The following RPTOR variants were observed in gnomAD, a reference collection of about 807,000 sequenced individuals.
RPTOR encodes the protein regulatory-associated protein of mTOR.
RPTOR carries 21 observed loss-of-function variants against 169.9 expected under a neutral mutation model. That is an observed-to-expected ratio of 0.12 (90% CI 0.09 to 0.18). The LOEUF is 0.18. RPTOR is among the 10% of genes least tolerant of loss of function. The pLI is 1.00. For synonymous variants in RPTOR, 732 were observed against 753.2 expected (o/e 0.97, Z 0.46); for missense variants, 1,133 against 1,855.9 (o/e 0.61, Z 7.16).
chr17:80,831,360 G>A (rs1355059179), intron 9 of RPTOR, among the ~76,000 whole-genome samples: 1 of 152,196 alleles, frequency 6.6e-6, no homozygotes, highest in African/African-American at 2.4e-5. Flanking sequence ...TTGATTCTGT[G>A]GAGTCCGTTA....
At chr17:80,697,814 A>G (rs1437518239) in intron 3 of RPTOR, among the ~76,000 whole-genome samples, 1 of 152,042 alleles carries the variant, frequency 6.6e-6, no homozygotes, top group Middle Eastern at 3.2e-3. Context: ...GTTAAGGAGG[A>G]AGGCTCTGAC....
At chr17:80,727,140 G>A (rs2066343755) in intron 4 of RPTOR, among the ~76,000 whole-genome samples, 2 of 151,576 alleles carry the variant, frequency 1.3e-5, no homozygotes, top group Admixed American at 6.6e-5. Context: ...CTGCACCTCT[G>A]ACCACTTCCT....
chr17:80,942,028 C>G (rs9915393), intron 25 of RPTOR: 50,814 of 152,144 alleles, frequency 0.33, 10,239 homozygotes, highest in African/African-American at 0.57. Context: ...GGCGGCAGAC[C>G]AGGTTTAAAG....
At chr17:80,634,508 T>C (rs1465647628) in intron 2 of RPTOR, among the ~76,000 whole-genome samples, 4 of 121,074 alleles carry the variant, frequency 3.3e-5, no homozygotes, top group Admixed American at 1.7e-4. Flanking sequence ...GTGTGCATAC[T>C]GTGTGTGTGT....
chr17:80,850,476 C>A (rs2067781790), intron 11 of RPTOR, among the ~76,000 whole-genome samples: 1 of 152,204 alleles, frequency 6.6e-6, no homozygotes, highest in Non-Finnish European at 1.5e-5. Context: ...GTGATCTCGG[C>A]TCACTGCAGC....
chr17:80,897,042 G>A (rs566153224), intron 20 of RPTOR, among the ~76,000 whole-genome samples: 3 of 152,120 alleles, frequency 2.0e-5, no homozygotes, highest in Non-Finnish European at 2.9e-5. Flanking sequence ...CGAGACGGGC[G>A]GATCACGAGG....
At position 80,578,247 on chromosome 17, in the gene RPTOR, A is replaced by G. The variant is rs1599568778; in HGVS notation, c.162+32456A>G. Among the ~76,000 whole-genome samples the G allele has an allele frequency of 2.6e-5, 4 of 152,132 alleles. No homozygotes were observed. The South Asian group carries it at 6.2e-4, about 24-fold the overall frequency. ...GTGGTACATTTCACTCCAGATGTCA[A>G]CAGTCATTGCGATGTTGGCACTGCT... is the stretch of plus-strand genomic sequence containing the variant. On this transcript the variant is annotated intron_variant, in intron 1 of 33. Transcript: ENST00000306801.
chr17:80,942,636 A>C (rs1568000999), intron 25 of RPTOR, among the ~76,000 whole-genome samples: 3 of 152,142 alleles, frequency 2.0e-5, no homozygotes. Flanking sequence ...GTTTATTTTC[A>C]TTTAAGGAGC....
intron 6 of RPTOR, chr17:80,774,161 C>T (rs928363524): frequency 1.0e-6 from 1 of 985,350 alleles, no homozygotes; most frequent in Admixed American, 6.1e-5. Context: ...CCTGAGAAAG[C>T]GGGGACTCTG....
At chr17:80,905,678 G>T (rs934179236) in intron 20 of RPTOR, among the ~76,000 whole-genome samples, 5 of 152,168 alleles carry the variant, frequency 3.3e-5, no homozygotes, top group Admixed American at 3.3e-4. Context: ...CATTGCCAGG[G>T]TCCTTACCTG....
chr17:80,961,339 G>A, intron 30 of RPTOR, 55 bp from the exon 31 acceptor site: 1 of 1,494,894 alleles, frequency 6.7e-7, no homozygotes, highest in Non-Finnish European at 9.0e-7. Flanking sequence ...GAGCCCCGAA[G>A]GGTGGGGACG....
chr17:80,722,155 A>C (rs2066291974), intron 4 of RPTOR, among the ~76,000 whole-genome samples: 1 of 151,086 alleles, frequency 6.6e-6, no homozygotes, highest in Non-Finnish European at 1.5e-5. Flanking sequence ...TTTGTGTGGC[A>C]CGTTCTTGGC....
intron 5 of RPTOR, among the ~76,000 whole-genome samples, chr17:80,747,958 G>A (rs2066592278): frequency 6.6e-6 from 1 of 152,254 alleles, no homozygotes; most frequent in Non-Finnish European, 1.5e-5. Flanking sequence ...GGACCTGTTG[G>A]ATGGAGGGAC....
chr17:80,922,147 C>A (rs1039774595), intron 21 of RPTOR, among the ~76,000 whole-genome samples: 25 of 152,202 alleles, frequency 1.6e-4, no homozygotes, highest in Admixed American at 1.6e-3. Context: ...TGGCTTTCCA[C>A]CCCGTGCCCA....
chr17:80,964,202 C>CCCCCCCCCCCCGGTGGG, intron 33 of RPTOR, 60 bp from the exon 34 acceptor site: 1 of 1,224,850 alleles, frequency 8.2e-7, no homozygotes, highest in Non-Finnish European at 1.2e-6. Context: ...TGCGCCCCCC[C>CCCCCCCCCCCCGGTGGG]GCCCCCCGCA....
intron 3 of RPTOR, among the ~76,000 whole-genome samples, chr17:80,690,225 C>A (rs1233463239): frequency 6.6e-6 from 1 of 152,072 alleles, no homozygotes. Flanking sequence ...CCTTCCCACT[C>A]CCCTGGCTGA....
Position 80,646,690 on chromosome 17 carries a change from G to A in RPTOR, c.348+2880G>A, listed in dbSNP as rs976858107. On this transcript the variant is annotated intron_variant, in intron 3 of 33. Coordinates refer to ENST00000306801, the MANE Select transcript of RPTOR (RefSeq NM_020761.3). This position sits in a 1 kb window ranked among gnomAD's most constrained non-coding sequence, Gnocchi z 5.0. Reference sequence around the variant, plus strand: ...ATAAAGAGAGGTTGATGTGCCATCTGCAATAAAACAATGGGGGCGTTATTA... The same window carrying A: ...ATAAAGAGAGGTTGATGTGCCATCTACAATAAAACAATGGGGGCGTTATTA... Among the ~76,000 whole-genome samples, 4 of 152,152 alleles carry A rather than the reference G, an allele frequency of 2.6e-5. No individual in the cohort carries two copies. The highest frequency in any genetic ancestry group is 4.4e-5 in the Non-Finnish European group (3 of 68,030).
chr17:80,634,171 C>CTG (rs757736290), intron 2 of RPTOR, among the ~76,000 whole-genome samples: 1 of 109,012 alleles, frequency 9.2e-6, no homozygotes, highest in Non-Finnish European at 1.8e-5. Flanking sequence ...TGTGTGCATA[C>CTG]TGTGTGTGTG....
intron 20 of RPTOR, among the ~76,000 whole-genome samples, chr17:80,895,984 CTT>C (rs1390817589): frequency 6.6e-6 from 1 of 152,168 alleles, no homozygotes; most frequent in East Asian, 1.9e-4. Flanking sequence ...TAATCTATGA[CTT>C]TTTATGATGC....
Sources: gnomAD v4.1 joint callset for allele counts (sites outside exome capture counted in the v4.1 genomes callset) on GRCh38, gnomAD v4.1.1 for gene constraint, Gnocchi (gnomAD v3.1) non-coding constraint, MANE v1.5 for transcripts, NCBI Gene and HGNC (gene_info 2026-07-23, HGNC 2026-07-21) for gene names.